The following ABLIM3 variants were observed in gnomAD, a reference collection of about 807,000 sequenced individuals.
The protein encoded by ABLIM3 is actin-binding LIM protein 3.
Under a neutral mutation model 109.5 loss-of-function variants are expected in ABLIM3, and 61 were observed. The observed-to-expected ratio is 0.56, with a 90% CI of 0.45 to 0.69. The LOEUF (loss-of-function observed/expected upper bound fraction) is 0.69, where lower values mean the gene tolerates loss of function less well. Ranked by LOEUF, ABLIM3 falls within the 30% of genes least tolerant of loss-of-function variation. The probability of loss-of-function intolerance (pLI) is 0.00; values close to 1 mark genes in which losing one functional copy is unlikely to be tolerated. For missense variants in ABLIM3, 796 were observed against 889.5 expected, an observed-to-expected ratio of 0.89 and a Z score of 1.34; for synonymous variants, 300 against 324.8, an observed-to-expected ratio of 0.92 and a Z score of 0.82.
chr5:149,147,021 A>C (rs982034601), intron 2 of ABLIM3, among the ~76,000 whole-genome samples: 11 of 151,762 alleles, frequency 7.2e-5, no homozygotes, highest in Admixed American at 7.2e-4. Flanking sequence ...CCTCGAAGAG[A>C]TCTTTCACCT....
At position 149,183,528 on chromosome 5, in the gene ABLIM3, C is replaced by T. The variant is rs1472987414; in HGVS notation, c.90C>T (p.Cys30=). Residue 30 remains cysteine, a synonymous_variant, in exon 3 of 24, where the codon TGC becomes TGT. Transcript: ENST00000309868. ...AGTGCTACCGCTGTGGAGACACCTG[C>T]AAAGGGGAAGTGGTCCGCGTGCACA... ...VIQCYRCGDT[C]KGEVVRVHNN... 1 of 1,599,370 alleles carries T rather than the reference C, an allele frequency of 6.3e-7. No homozygotes were observed. The highest frequency in any genetic ancestry group is 1.4e-5 in the African/African-American group (1 of 74,062).
intron 8 of ABLIM3, among the ~76,000 whole-genome samples, chr5:149,225,955 AATATGTGTG>A: frequency 9.7e-6 from 1 of 103,544 alleles, no homozygotes; most frequent in African/African-American, 3.6e-5. Flanking sequence ...GTATGTATAT[AATATGTGTG>A]TGTGTGTGTG....
At chr5:149,155,499 G>A (rs1561536142) in intron 2 of ABLIM3, among the ~76,000 whole-genome samples, 1 of 152,286 alleles carries the variant, frequency 6.6e-6, no homozygotes, top group East Asian at 1.9e-4. Flanking sequence ...GAGTACAGAG[G>A]AAGACAGGCC....
At chr5:149,256,633 C>T (rs1029012101) in intron 23 of ABLIM3, among the ~76,000 whole-genome samples, 2 of 152,192 alleles carry the variant, frequency 1.3e-5, no homozygotes, top group Non-Finnish European at 2.9e-5. Context: ...CATTGTGTAA[C>T]CACAATGTGA....
At chr5:149,147,147 T>A (rs1753010165) in intron 2 of ABLIM3, among the ~76,000 whole-genome samples, 1 of 151,672 alleles carries the variant, frequency 6.6e-6, no homozygotes, top group African/African-American at 2.4e-5. Context: ...GCATGTCTCT[T>A]GTAAATGGGA....
chr5:149,200,498 G>T, intron 5 of ABLIM3, 70 bp downstream of exon 5: 1 of 1,504,838 alleles, frequency 6.6e-7, no homozygotes, highest in Non-Finnish European at 9.2e-7. Flanking sequence ...TCCCAGCACT[G>T]CCAACTGCTC....
chr5:149,162,283 AAC>A (rs1205826294), intron 2 of ABLIM3, among the ~76,000 whole-genome samples: 4 of 152,336 alleles, frequency 2.6e-5, no homozygotes, highest in Non-Finnish European at 2.9e-5. Context: ...GCACAAGACA[AAC>A]ACAGCTTTAT....
At chr5:149,210,559 G>A (rs989949756) in intron 6 of ABLIM3, among the ~76,000 whole-genome samples, 167 bp from the exon 7 acceptor site, 29 of 152,158 alleles carry the variant, frequency 1.9e-4, no homozygotes, top group African/African-American at 6.8e-4. Flanking sequence ...CTACTGATCT[G>A]GGAGCACAGT....
At chr5:149,219,412 A>T (rs1190240656) in intron 8 of ABLIM3, 1 of 152,230 alleles carries the variant, frequency 6.6e-6, no homozygotes, top group East Asian at 1.9e-4. Context: ...CTGTCTACTT[A>T]CTTATATGAA....
intron 3 of ABLIM3, among the ~76,000 whole-genome samples, chr5:149,191,782 G>A (rs1427899097): frequency 6.6e-6 from 1 of 152,186 alleles, no homozygotes; most frequent in Non-Finnish European, 1.5e-5. Flanking sequence ...GATAAGAAAG[G>A]ATAAAAATAT....
rs1467412480 is a variant in ABLIM3 at position 149,252,057 on chromosome 5, G to T, written c.1850-144G>T. 8 of 845,374 alleles carry T rather than the reference G, an allele frequency of 9.5e-6. No homozygotes were observed. In the Admixed American group the frequency reaches 2.4e-4, roughly 26 times the overall value. 52.4% of individuals were successfully genotyped at this position (845,374 alleles called of 1,614,324 possible). A position where few individuals can be genotyped will look rare whatever the true frequency, so the allele number is the denominator to read the frequency against. On this transcript the variant is annotated intron_variant, in intron 21 of 23. Transcript: ENST00000309868. ...TTGATTGTCCTTCAGGGTGAATTCAGCAAGGACAAGGTCTCTGATGGTCAA... is the reference window on the plus strand; with the variant it reads ...TTGATTGTCCTTCAGGGTGAATTCATCAAGGACAAGGTCTCTGATGGTCAA...
chr5:149,223,533 G>A (rs1049202877), intron 8 of ABLIM3, among the ~76,000 whole-genome samples: 9 of 152,200 alleles, frequency 5.9e-5, no homozygotes, highest in Admixed American at 5.9e-4. Flanking sequence ...GAACTAAGAA[G>A]CGTCTAGGAG....
At chr5:149,166,293 C>T (rs1369333589) in intron 2 of ABLIM3, among the ~76,000 whole-genome samples, 1 of 152,142 alleles carries the variant, frequency 6.6e-6, no homozygotes, top group Non-Finnish European at 1.5e-5. Context: ...GTCAGTGCTC[C>T]CTGACTTAAT....
Position 149,260,267 on chromosome 5 carries a change from T to C in ABLIM3, c.*1863T>C, listed in dbSNP as rs1039740847. 1 of 152,656 alleles carries C rather than the reference T, an allele frequency of 6.6e-6. No individual in the cohort carries two copies. Among genetic ancestry groups the C allele is most frequent in the African/African-American group, 2.4e-5 (1 of 41,442 alleles). The allele number at this position is 152,656 out of a possible 1,614,324, so 9.5% of individuals were successfully genotyped here. ...ATGTCAGCCCTCCCTGCAACTTCTC[T>C]TTTTGGCCAATGTCTTTTCACTTTC... is the stretch of plus-strand genomic sequence containing the variant. On this transcript the variant is annotated 3_prime_UTR_variant, in exon 24 of 24. Transcript: ENST00000309868.
chr5:149,210,031 A>C (rs1385035054), intron 6 of ABLIM3, among the ~76,000 whole-genome samples: 1 of 152,216 alleles, frequency 6.6e-6, no homozygotes, highest in Non-Finnish European at 1.5e-5. Flanking sequence ...GCAGAGCCCG[A>C]AGCAAAGCTA....
At position 149,194,680 on chromosome 5, in the gene ABLIM3, C is replaced by A. The variant is rs114501539; in HGVS notation, c.152-3539C>A. ...CTCAGGGAATGAAGCAGGCACGGGACAATTGCAGTATGACTCCATCAACAT... is the reference window on the plus strand; with the variant it reads ...CTCAGGGAATGAAGCAGGCACGGGAAAATTGCAGTATGACTCCATCAACAT... On this transcript the variant is annotated intron_variant, in intron 3 of 23. Transcript: ENST00000309868. 2.9e-3 allele frequency among the ~76,000 whole-genome samples: 435 copies of A among 152,234 alleles called. 2 individuals carry two copies. Among genetic ancestry groups the A allele is most frequent in the African/African-American group, 9.7e-3 (403 of 41,534 alleles).
intron 2 of ABLIM3, among the ~76,000 whole-genome samples, chr5:149,174,269 CT>C (rs1263186012): frequency 6.6e-6 from 1 of 150,400 alleles, no homozygotes; most frequent in African/African-American, 2.5e-5. Flanking sequence ...GTCTTCATAG[CT>C]TTAAAAAAAA....
chr5:149,252,237 C>A (rs770493939), intron 22 of ABLIM3, 29 bp downstream of exon 22: 11 of 1,609,750 alleles, frequency 6.8e-6, no homozygotes, highest in African/African-American at 2.7e-5. Flanking sequence ...CCCTGGGGGT[C>A]TCCAGGATTC....
intron 2 of ABLIM3, among the ~76,000 whole-genome samples, chr5:149,168,826 G>A (rs1371585875): frequency 6.6e-6 from 1 of 152,192 alleles, no homozygotes; most frequent in African/African-American, 2.4e-5. Flanking sequence ...GCTGAAGACT[G>A]TGTGAAGATC....
Sources: gnomAD v4.1 joint callset for allele counts (sites outside exome capture counted in the v4.1 genomes callset) on GRCh38, gnomAD v4.1.1 for gene constraint, MANE v1.5 for transcripts, NCBI Gene and HGNC (gene_info 2026-07-23, HGNC 2026-07-21) for gene names.